PFDN4: variants seen among roughly 807,000 people sequenced by gnomAD.
The protein encoded by PFDN4 is prefoldin 4.
In PFDN4, 6 loss-of-function variants were observed where a neutral mutation model predicts 17.6. The observed-to-expected ratio is 0.34, with a 90% confidence interval of 0.19 to 0.67. The LOEUF (loss-of-function observed/expected upper bound fraction) is 0.67. Among genes scored for constraint, PFDN4 ranks in the 30% least tolerant of loss-of-function variants. PFDN4 has a pLI of 0.68. For synonymous variants in PFDN4, 48 were observed against 51.1 expected (o/e 0.94, Z 0.26); for missense variants, 119 against 158.4 (o/e 0.75, Z 1.33).
rs114840262 is a variant in PFDN4, at chr20:54,212,798, G to A, written c.25-1553G>A. 1.2e-3 allele frequency among the ~76,000 whole-genome samples: 185 copies of A among 152,366 alleles called. 1 individual carries two copies. The highest frequency in any genetic ancestry group is 4.2e-3 in the African/African-American group (176 of 41,590). On this transcript the variant is annotated intron_variant, in intron 1 of 3. Coordinates refer to ENST00000371419, the MANE Select transcript of PFDN4 (RefSeq NM_002623.4). ...TAGGGAATTGACAGTTCTCACTTAG[G>A]CAAAATGACTTGTGTGCCAAGATAT...
At chr20:54,216,600 A>T (rs947287766) in intron 3 of PFDN4, among the ~76,000 whole-genome samples, 4 of 152,102 alleles carry the variant, frequency 2.6e-5, no homozygotes, top group Admixed American at 2.6e-4. Flanking sequence ...GGCTATTGTG[A>T]ATCCCCTGCC....
At chr20:54,209,927 CAGAT>C (rs1416636928) in intron 1 of PFDN4, among the ~76,000 whole-genome samples, 2 of 152,140 alleles carry the variant, frequency 1.3e-5, no homozygotes, top group Non-Finnish European at 2.9e-5. Flanking sequence ...AGGCATTACT[CAGAT>C]AGTCAGACAG....
At chr20:54,212,631 C>T (rs1025067196) in intron 1 of PFDN4, among the ~76,000 whole-genome samples, 6 of 152,210 alleles carry the variant, frequency 3.9e-5, no homozygotes, top group Non-Finnish European at 4.4e-5. Context: ...GCACTGGATC[C>T]GTTCATGTGA....
chr20:54,217,125 A>G (rs891934307), intron 3 of PFDN4, among the ~76,000 whole-genome samples: 1 of 152,260 alleles, frequency 6.6e-6, no homozygotes, highest in East Asian at 1.9e-4. Flanking sequence ...AGTAAACAAA[A>G]CTGATAATGA....
chr20:54,208,663 A>C (rs34981402), intron 1 of PFDN4: 68,613 of 152,234 alleles, frequency 0.45, 16,037 homozygotes, highest in African/African-American at 0.56. Context: ...GGCCCCAGAG[A>C]CCCTGTGTCC....
intron 1 of PFDN4, among the ~76,000 whole-genome samples, chr20:54,209,963 A>G (rs2092753570): frequency 6.6e-6 from 1 of 152,174 alleles, no homozygotes; most frequent in Admixed American, 6.5e-5. Context: ...CTCTGATGAG[A>G]ACTGTGAAGG....
chr20:54,217,074 C>G (rs1276164596), intron 3 of PFDN4, among the ~76,000 whole-genome samples: 2 of 152,054 alleles, frequency 1.3e-5, no homozygotes, highest in South Asian at 4.2e-4. Context: ...TGCCTGGCCC[C>G]TGCCTGCATG....
At chr20:54,213,219 A>G (rs1444684215) in intron 1 of PFDN4, among the ~76,000 whole-genome samples, 1 of 152,242 alleles carries the variant, frequency 6.6e-6, no homozygotes, top group Non-Finnish European at 1.5e-5. Context: ...ACACACACAA[A>G]TATCTTTTCT....
chr20:54,208,339 G>T, intron 1 of PFDN4: 2 of 447,364 alleles, frequency 4.5e-6, no homozygotes, highest in East Asian at 7.5e-5. Flanking sequence ...GCGGGGCGCC[G>T]GGGCTGGGGC....
rs948884239 is a variant in PFDN4 at position 54,219,270 on chromosome 20, T to A, written c.*120T>A. 3.3e-6 allele frequency: 2 copies of A among 603,326 alleles called. No homozygotes were observed. The highest frequency in any genetic ancestry group is 5.5e-6 in the Non-Finnish European group (2 of 365,258). 37.4% of individuals were successfully genotyped at this position (603,326 alleles called of 1,614,324 possible). A position where few individuals can be genotyped will look rare whatever the true frequency, so the allele number is the denominator to read the frequency against. ...TCTTTTTTAAAAATTTTCATTTATT[T>A]AATGGAAACTTGCCCATTTTCACAT... On this transcript the variant is annotated 3_prime_UTR_variant, in exon 4 of 4. Transcript: ENST00000371419.
rs544866181 is a variant in PFDN4, at chr20:54,219,683, A to G, written c.*533A>G. 7.5e-6 allele frequency: 3 copies of G among 398,178 alleles called. No individual in the cohort carries two copies. Among genetic ancestry groups the G allele is most frequent in the East Asian group, 7.1e-5 (2 of 27,984 alleles). The allele number at this position is 398,178 out of a possible 1,614,324, so 24.7% of individuals were successfully genotyped here. On this transcript the variant is annotated 3_prime_UTR_variant, in exon 4 of 4. Transcript: ENST00000371419. Reference sequence around the variant, plus strand: ...TTTAACATTTTTTACATATCTATCAATATCAGAGATTTGGGTAAAAGAATG... The same window carrying G: ...TTTAACATTTTTTACATATCTATCAGTATCAGAGATTTGGGTAAAAGAATG...
At chr20:54,208,202 G>A (rs1375016384) in intron 1 of PFDN4, 78 bp downstream of exon 1, 5 of 1,332,668 alleles carry the variant, frequency 3.8e-6, no homozygotes, top group African/African-American at 3.1e-5. Flanking sequence ...CGGGATGCTG[G>A]GGGTGCGCAG....
intron 3 of PFDN4, 114 bp from the exon 4 acceptor site, chr20:54,218,905 C>A: frequency 1.6e-6 from 1 of 637,800 alleles, no homozygotes; most frequent in Non-Finnish European, 2.7e-6. Flanking sequence ...ACTTAGCTGC[C>A]TGTCCAAGTT....
At chr20:54,212,317 C>T (rs2092757010) in intron 1 of PFDN4, among the ~76,000 whole-genome samples, 1 of 152,206 alleles carries the variant, frequency 6.6e-6, no homozygotes, top group Non-Finnish European at 1.5e-5. Context: ...TGACATCTTA[C>T]TGTCTGCTGT....
rs117194952 is a variant in PFDN4, at chr20:54,211,310, G to A, written c.25-3041G>A. Among the ~76,000 whole-genome samples the A allele has an allele frequency of 1.0e-3, 153 of 152,314 alleles. 2 individuals are homozygous for A. In the East Asian group the frequency reaches 0.021, roughly 21 times the overall value. On this transcript the variant is annotated intron_variant, in intron 1 of 3. Transcript: ENST00000371419. ...CCTCCTCTAATCCCGTAAGATATTA[G>A]TTCTCAAGAAAAGAGCCCAGGGAAT... is the stretch of plus-strand genomic sequence containing the variant.
At chr20:54,218,935 A>C in intron 3 of PFDN4, 84 bp from the exon 4 acceptor site, 2 of 915,846 alleles carry the variant, frequency 2.2e-6, no homozygotes, top group Non-Finnish European at 3.3e-6. Context: ...CTTGACCTAA[A>C]ATTCTTCCCA....
chr20:54,213,218 A>G (rs1026655747), intron 1 of PFDN4, among the ~76,000 whole-genome samples: 1 of 152,234 alleles, frequency 6.6e-6, no homozygotes, highest in Non-Finnish European at 1.5e-5. Context: ...TACACACACA[A>G]ATATCTTTTC....
chr20:54,213,510 A>G (rs1207162682), intron 1 of PFDN4, among the ~76,000 whole-genome samples: 2 of 152,108 alleles, frequency 1.3e-5, no homozygotes, highest in African/African-American at 4.8e-5. Flanking sequence ...CTGGGTTGAA[A>G]TCAAGTTCCA....
chr20:54,208,359 C>G (rs1039601975), intron 1 of PFDN4: 7 of 433,894 alleles, frequency 1.6e-5, no homozygotes, highest in African/African-American at 1.2e-4. Context: ...CCGGGAGCCT[C>G]GAAGGACGCA....
Sources: allele counts gnomAD v4.1 joint callset (sites outside exome capture counted in the v4.1 genomes callset), GRCh38; gene constraint gnomAD v4.1.1; transcripts MANE v1.5; gene names NCBI Gene and HGNC (gene_info 2026-07-23, HGNC 2026-07-21).